RCBTB2: variants seen among roughly 807,000 people sequenced by gnomAD.
The protein encoded by RCBTB2 is RCC1 and BTB domain-containing protein 2.
In RCBTB2, 55 loss-of-function variants were observed where a neutral mutation model predicts 65.4. The observed-to-expected ratio is 0.84, with a 90% confidence interval of 0.68 to 1.05. RCBTB2 has a LOEUF of 1.05. RCBTB2 is among the 50% of genes least tolerant of loss of function. The pLI, the probability that RCBTB2 is intolerant of heterozygous loss-of-function variation, is 0.00. For synonymous variants in RCBTB2, 220 were observed against 255.2 expected (o/e 0.86, Z 1.31); for missense variants, 599 against 680.1 (o/e 0.88, Z 1.33).
intron 1 of RCBTB2, among the ~76,000 whole-genome samples, chr13:48,529,022 A>T (rs1359670795): frequency 6.6e-6 from 1 of 152,204 alleles, no homozygotes; most frequent in Non-Finnish European, 1.5e-5. Flanking sequence ...GATGAGTCAG[A>T]TCTTCAGTAC....
At chr13:48,493,350 C>CT (rs1208290316) in intron 14 of RCBTB2, among the ~76,000 whole-genome samples, 2 of 141,592 alleles carry the variant, frequency 1.4e-5, no homozygotes, top group African/African-American at 2.6e-5. Flanking sequence ...CTTCTCTTCT[C>CT]TCTCTCACCC....
At chr13:48,513,278 TTTG>T (rs1380848882) in intron 6 of RCBTB2, among the ~76,000 whole-genome samples, 2 of 152,176 alleles carry the variant, frequency 1.3e-5, no homozygotes, top group Non-Finnish European at 2.9e-5. Context: ...TTTAAAAATC[TTTG>T]TTATTATTTA....
chr13:48,504,159 C>T, intron 10 of RCBTB2: 2 of 985,352 alleles, frequency 2.0e-6, no homozygotes, highest in Non-Finnish European at 2.4e-6. Flanking sequence ...GTACACCCCA[C>T]ATCTGGCCCC....
upstream of RCBTB2, among the ~76,000 whole-genome samples, chr13:48,534,317 G>A (rs143366916): frequency 1.2e-3 from 180 of 152,300 alleles, no homozygotes; most frequent in Admixed American, 2.5e-3. Context: ...CTTCAGTGAT[G>A]ATAGCTGGCA....
upstream of RCBTB2, among the ~76,000 whole-genome samples, chr13:48,533,529 T>C (rs1170066675): frequency 6.6e-6 from 1 of 152,188 alleles, no homozygotes; most frequent in East Asian, 1.9e-4. Context: ...CTCCGATCAC[T>C]TCACGTTTTC....
At chr13:48,519,127 G>C (rs1199805084) in intron 4 of RCBTB2, among the ~76,000 whole-genome samples, 1 of 152,198 alleles carries the variant, frequency 6.6e-6, no homozygotes, top group Non-Finnish European at 1.5e-5. Context: ...GGATGAGCCA[G>C]ATTAAAGCCC....
intron 6 of RCBTB2, 103 bp from the exon 7 acceptor site, chr13:48,512,998 GC>G (rs1404756682): frequency 1.1e-6 from 1 of 951,022 alleles, no homozygotes; most frequent in African/African-American, 1.6e-5. Context: ...AAATTCAGGT[GC>G]AAAAAGCTAA....
At chr13:48,531,724 A>G (rs1260926529) in intron 1 of RCBTB2, among the ~76,000 whole-genome samples, 1 of 152,230 alleles carries the variant, frequency 6.6e-6, no homozygotes, top group African/African-American at 2.4e-5. Flanking sequence ...GGAAATAAAG[A>G]GATTACGTTT....
rs1285878716 is a variant in RCBTB2 at position 48,489,316 on chromosome 13, A to G, written c.*795T>C. 6.6e-6 allele frequency: 1 copy of G among 152,224 alleles called. No homozygotes were observed. Among genetic ancestry groups the G allele is most frequent in the Non-Finnish European group, 1.5e-5 (1 of 68,032 alleles). 9.4% of individuals were successfully genotyped at this position (152,224 alleles called of 1,614,324 possible). A position where few individuals can be genotyped will look rare whatever the true frequency, so the allele number is the denominator to read the frequency against. On this transcript the variant is annotated 3_prime_UTR_variant, in exon 15 of 15. Transcript: ENST00000344532. ...ATTGTCATTTTCATTTACAGAGGCA[A>G]GTCCCTCTTAACACAAAGAAAAGCA...
In RCBTB2 at chr13:48,515,758, A is replaced by C; in HGVS notation, c.43-17T>G. 2 of 1,587,356 alleles carry C rather than the reference A, an allele frequency of 1.3e-6. No homozygotes were observed. Among genetic ancestry groups the C allele is most frequent in the East Asian group, 2.3e-5 (1 of 44,422 alleles). The stretch of plus-strand genomic sequence containing the variant: ...CTGTACTGGCTGAAAAGGAAAAAAT[A>C]TATGTTGAAATGACAAATTAAAAAG... On this transcript the variant is annotated splice_polypyrimidine_tract_variant and intron_variant, in intron 4 of 14. Coordinates refer to ENST00000344532, the MANE Select transcript of RCBTB2 (RefSeq NM_001268.4).
intron 1 of RCBTB2, among the ~76,000 whole-genome samples, chr13:48,525,373 G>GATATATAT (rs59350616): frequency 3.9e-4 from 21 of 54,520 alleles, no homozygotes; most frequent in Admixed American, 9.4e-4. Context: ...AAGGATTCAT[G>GATATATAT]ATATATATAT....
At position 48,499,767 on chromosome 13, in the gene RCBTB2, G is replaced by GA. The variant is rs751876684; in HGVS notation, c.1245-8dup. ...CGAACGAAAATGCTCACATCTGAAG[G>GA]AAAAAAGCAGTATGTCAGGTCCTAG... On this transcript the variant is annotated splice_region_variant and splice_polypyrimidine_tract_variant and intron_variant, in intron 12 of 14. Transcript: ENST00000344532. 1.1e-5 allele frequency: 17 copies of GA among 1,613,006 alleles called. No individual in the cohort carries two copies. Among genetic ancestry groups the GA allele is most frequent in the African/African-American group, 2.7e-5 (2 of 74,910 alleles).
chr13:48,496,302 T>C lies in RCBTB2; in HGVS notation c.1404A>G (p.Thr468=), dbSNP rs1425865749. Residue 468 remains threonine, a synonymous_variant, in exon 14 of 15, where the codon ACA becomes ACG. Coordinates refer to ENST00000344532, the MANE Select transcript of RCBTB2 (RefSeq NM_001268.4). ...EEAVGLLDLA[T]FYRENRLKKL... ...TTTTCAAACGATTTTCTCTATAAAA[T>C]GTAGCCAAGTCTAGCAGTCCTGGCG... 7.6e-6 allele frequency: 12 copies of C among 1,587,120 alleles called. No homozygotes were observed. Among genetic ancestry groups the C allele is most frequent in the Non-Finnish European group, 1.0e-5 (12 of 1,167,634 alleles).
At chr13:48,501,621 T>C (rs1950237663) in intron 12 of RCBTB2, 121 bp downstream of exon 12, 3 of 763,280 alleles carry the variant, frequency 3.9e-6, no homozygotes, top group East Asian at 5.2e-5. Flanking sequence ...TGTATGCTTG[T>C]AAGAGCAAAA....
intron 1 of RCBTB2, among the ~76,000 whole-genome samples, chr13:48,530,647 A>G (rs187588116): frequency 4.2e-4 from 64 of 152,358 alleles, no homozygotes; most frequent in African/African-American, 1.4e-3. Flanking sequence ...CTAGTCATCC[A>G]CAGTCAGAGG....
Position 48,515,704 on chromosome 13 carries a change from T to A in RCBTB2, c.80A>T (p.Asp27Val), listed in dbSNP as rs1426117387. The A allele has an allele frequency of 1.2e-6, 2 of 1,613,138 alleles. No individual in the cohort carries two copies. The highest frequency in any genetic ancestry group is 2.7e-5 in the African/African-American group (2 of 74,812). The change falls in exon 5 of 15, where the codon GAT (aspartate) becomes GTT (valine). Residue 27 changes from aspartate to valine, a missense_variant. Asp to Val is a radical substitution (Grantham distance 152, BLOSUM62 -3). Transcript: ENST00000344532. The part of the protein sequence containing the change: ...QATLSSLKML[D>V]VGKWPIFSLC... The stretch of plus-strand genomic sequence containing the variant: ...GGAAAAAATTGGCCACTTTCCCACA[T>A]CTAACATCTTCAAAGATGACAGAGT...
chr13:48,506,872 A>ACAGTCCTT (rs1456702845), intron 10 of RCBTB2, among the ~76,000 whole-genome samples: 2 of 152,216 alleles, frequency 1.3e-5, no homozygotes, highest in East Asian at 3.8e-4. Flanking sequence ...CTTTGGGGTA[A>ACAGTCCTT]TGTTCTATGA....
rs1950141467 is a variant in RCBTB2 at position 48,499,621 on chromosome 13, C to T, written c.1384G>A (p.Gly462Arg). The T allele has an allele frequency of 6.2e-7, 1 of 1,613,656 alleles. No homozygotes were observed. The highest frequency in any genetic ancestry group is 1.6e-4 in the Middle Eastern group (1 of 6,062). ...SISLSPEEAV[G>R]LLDLATFYRE... ...GTTTTTGGAAGTCTTTGGCAATTAC[C>T]TACTGCCTCCTCAGGAGAAAGGCTG... is the stretch of plus-strand genomic sequence containing the variant. Residue 462 changes from glycine (G) to arginine (R), a missense_variant and splice_region_variant, in exon 13 of 15, where the codon GGA (glycine) becomes AGA (arginine). Gly to Arg is a moderately radical substitution (Grantham distance 125). Coordinates refer to ENST00000344532, the MANE Select transcript of RCBTB2 (RefSeq NM_001268.4).
rs573591790 is a variant in RCBTB2 at position 48,531,844 on chromosome 13, A to G, written c.-219+1184T>C. ...CAAAGCACAGAGTAATGACATTGTT[A>G]GAAACTCTTCACAGTAGCCCCAGGA... On this transcript the variant is annotated intron_variant, in intron 1 of 14. Coordinates refer to ENST00000344532, the MANE Select transcript of RCBTB2 (RefSeq NM_001268.4). Among the ~76,000 whole-genome samples the G allele has an allele frequency of 3.3e-5, 5 of 152,358 alleles. No individual in the cohort carries two copies. The South Asian group carries it at 1.0e-3, about 32-fold the overall frequency.
Sources: gnomAD v4.1 joint callset for allele counts (sites outside exome capture counted in the v4.1 genomes callset) on GRCh38, gnomAD v4.1.1 for gene constraint, MANE v1.5 for transcripts, NCBI Gene and HGNC (gene_info 2026-07-23, HGNC 2026-07-21) for gene names.